The following CCDC69 variants were observed in gnomAD, a reference collection of about 807,000 sequenced individuals.
The protein encoded by CCDC69 is coiled-coil domain-containing protein 69.
In CCDC69, 38 loss-of-function variants were observed where a neutral mutation model predicts 40.3. The ratio of observed to expected loss-of-function variants is 0.94; its 90% CI spans 0.73 to 1.24. The LOEUF (loss-of-function observed/expected upper bound fraction) is 1.24. Among genes scored for constraint, CCDC69 ranks in the 50% most tolerant of loss-of-function variants. The probability of loss-of-function intolerance (pLI) is 0.00; values close to 1 mark genes in which losing one functional copy is unlikely to be tolerated. For missense variants in CCDC69, 389 were observed against 357.9 expected, an observed-to-expected ratio of 1.09 and a Z score of -0.70; for synonymous variants, 141 against 138.9, an observed-to-expected ratio of 1.02 and a Z score of -0.11.
intron 1 of CCDC69, chr5:151,215,740 C>T (rs1314391070): frequency 3.3e-6 from 1 of 307,626 alleles, no homozygotes; most frequent in African/African-American, 2.2e-5. Context: ...ACGCAGCATG[C>T]TCCTAATTCT....
At chr5:151,214,294 A>G (rs761801925) in intron 1 of CCDC69, among the ~76,000 whole-genome samples, 4 of 152,174 alleles carry the variant, frequency 2.6e-5, no homozygotes, top group Non-Finnish European at 5.9e-5. Flanking sequence ...GTCAGAGCCT[A>G]TTGGCCGAGG....
At chr5:151,185,282 C>T in intron 7 of CCDC69, 140 bp downstream of exon 7, 2 of 875,180 alleles carry the variant, frequency 2.3e-6, no homozygotes, top group South Asian at 3.1e-5. Flanking sequence ...GCTCAGTGGT[C>T]AGCACAGGTG....
At chr5:151,190,428 G>A (rs1333983160) in intron 4 of CCDC69, among the ~76,000 whole-genome samples, 7 of 152,104 alleles carry the variant, frequency 4.6e-5, no homozygotes, top group Admixed American at 4.6e-4. Flanking sequence ...CATTTTGGGA[G>A]GCCAAGGTGG....
At chr5:151,195,612 G>A (rs1752688299) in intron 4 of CCDC69, among the ~76,000 whole-genome samples, 1 of 150,452 alleles carries the variant, frequency 6.6e-6, no homozygotes, top group South Asian at 2.1e-4. Context: ...CCAGCTACTC[G>A]GGAGGCTGAG....
intron 6 of CCDC69, among the ~76,000 whole-genome samples, 181 bp downstream of exon 6, chr5:151,185,842 G>T (rs1334188901): frequency 6.6e-6 from 1 of 152,150 alleles, no homozygotes; most frequent in African/African-American, 2.4e-5. Flanking sequence ...TCCAGATGCT[G>T]CTCTCTGGGC....
chr5:151,191,176 T>A (rs1008096486), intron 4 of CCDC69, among the ~76,000 whole-genome samples: 3 of 151,174 alleles, frequency 2.0e-5, no homozygotes, highest in Non-Finnish European at 4.4e-5. Context: ...AGGTAGGTAA[T>A]AAGTAAAAGG....
chr5:151,216,282 T>A (rs1277006822), intron 1 of CCDC69, among the ~76,000 whole-genome samples: 1 of 150,888 alleles, frequency 6.6e-6, no homozygotes, highest in African/African-American at 2.4e-5. Context: ...GATAAAAAAA[T>A]GCATAGGAAA....
rs572166327 is a variant in CCDC69, at chr5:151,221,152, G to A, written c.48+2771C>T. Among the ~76,000 whole-genome samples the A allele has an allele frequency of 5.3e-5, 8 of 152,250 alleles. No individual in the cohort carries two copies. The East Asian group carries it at 1.2e-3, about 22-fold the overall frequency. ...TGGTCTAGAACATCTAGTCGGCCAA[G>A]CCCAACAGGCACCATAGACCACAGA... On this transcript the variant is annotated intron_variant, in intron 1 of 8. Transcript: ENST00000355417.
chr5:151,203,691 A>C (rs13163761), intron 2 of CCDC69, among the ~76,000 whole-genome samples: 81 of 135,330 alleles, frequency 6.0e-4, no homozygotes, highest in Admixed American at 1.1e-3. Flanking sequence ...ATAATAAAAT[A>C]TATATAGTAT....
chr5:151,183,468 G>A lies in CCDC69; in HGVS notation c.860C>T (p.Thr287Ile), dbSNP rs1436276701. Residue 287 changes from threonine (T) to isoleucine (I), a missense_variant, in exon 9 of 9, where the codon ACT becomes ATT. Thr to Ile is a moderately conservative substitution (Grantham distance 89). Coordinates refer to ENST00000355417, the MANE Select transcript of CCDC69 (RefSeq NM_015621.3). ...GGCGAGGAAAGAGACCTCAGTGGGAGTGACAGGGGCCAGAGGGAAGGCAGG... is the reference window on the plus strand; with the variant it reads ...GGCGAGGAAAGAGACCTCAGTGGGAATGACAGGGGCCAGAGGGAAGGCAGG... ...ASPAFPLAPV[T>I]PTEVSFLAT 1 of 1,605,754 alleles carries A rather than the reference G, an allele frequency of 6.2e-7. No individual in the cohort carries two copies. Among genetic ancestry groups the A allele is most frequent in the South Asian group, 1.1e-5 (1 of 88,840 alleles).
At chr5:151,193,066 G>A (rs75311393) in intron 4 of CCDC69, among the ~76,000 whole-genome samples, 1,667 of 152,234 alleles carry the variant, frequency 0.011, 27 homozygotes, top group African/African-American at 0.036. Context: ...ATGTACATAG[G>A]TTATATGCAA....
rs747546885 is a variant in CCDC69, at chr5:151,205,471, C to A, written c.53G>T (p.Arg18Leu). The change falls in exon 2 of 9, where the codon CGC (arginine) becomes CTC (leucine). Residue 18 changes from arginine to leucine, a missense_variant. By Grantham distance (102) the Arg-to-Leu change is moderately radical. Transcript: ENST00000355417. ...TGGCTGTTCTGGTTCTGGTTCTTGG[C>A]GCTTCTGGAAGAAATGAGACAACAG... Reference protein sequence around the residue: ...LSSCKPPKKKRQEPEPEQPPR... With the variant: ...LSSCKPPKKKLQEPEPEQPPR... 2 of 1,614,020 alleles carry A rather than the reference C, an allele frequency of 1.2e-6. No individual in the cohort carries two copies. The highest frequency in any genetic ancestry group is 2.2e-5 in the South Asian group (2 of 91,064).
chr5:151,184,286 C>G, intron 8 of CCDC69, 58 bp downstream of exon 8: 1 of 1,320,896 alleles, frequency 7.6e-7, no homozygotes, highest in Non-Finnish European at 1.1e-6. Flanking sequence ...ACTCTCCCAG[C>G]TGGGAATTTT....
intron 1 of CCDC69, 55 bp from the exon 2 acceptor site, chr5:151,205,530 A>C: frequency 2.1e-6 from 3 of 1,443,920 alleles, no homozygotes; most frequent in Middle Eastern, 3.5e-4. Context: ...GGTCAATGCG[A>C]GGACGGGCTG....
intron 1 of CCDC69, among the ~76,000 whole-genome samples, chr5:151,221,627 G>T (rs1440699329): frequency 1.3e-5 from 2 of 152,266 alleles, no homozygotes; most frequent in Non-Finnish European, 2.9e-5. Context: ...TGTGACTTTG[G>T]ACCCATCGTT....
chr5:151,205,550 G>A, intron 1 of CCDC69, 75 bp from the exon 2 acceptor site: 2 of 1,259,270 alleles, frequency 1.6e-6, no homozygotes, highest in South Asian at 1.2e-5. Context: ...GCTATAGTGG[G>A]ACTCTTCCAA....
chr5:151,220,893 G>C (rs1009117967), intron 1 of CCDC69, among the ~76,000 whole-genome samples: 1 of 152,066 alleles, frequency 6.6e-6, no homozygotes, highest in African/African-American at 2.4e-5. Flanking sequence ...TCCCCAGAAG[G>C]CTTGTTTCCT....
intron 4 of CCDC69, among the ~76,000 whole-genome samples, chr5:151,192,847 A>G (rs1027186960): frequency 6.6e-6 from 1 of 152,358 alleles, no homozygotes; most frequent in African/African-American, 2.4e-5. Context: ...GGCTAGTTCA[A>G]TGCAGTCAGC....
At chr5:151,187,652 T>C (rs1752543433) in intron 4 of CCDC69, among the ~76,000 whole-genome samples, 193 bp from the exon 5 acceptor site, 1 of 152,104 alleles carries the variant, frequency 6.6e-6, no homozygotes, top group African/African-American at 2.4e-5. Flanking sequence ...AGGTATTTAA[T>C]AAAACCTCAA....
Sources: allele counts gnomAD v4.1 joint callset (sites outside exome capture counted in the v4.1 genomes callset), GRCh38; gene constraint gnomAD v4.1.1; transcripts MANE v1.5; gene names NCBI Gene and HGNC (gene_info 2026-07-23, HGNC 2026-07-21).